The following DPP6 variants were observed in gnomAD, a reference collection of about 807,000 sequenced individuals.
DPP6 encodes dipeptidyl peptidase like 6.
DPP6 carries 69 observed loss-of-function variants against 122.6 expected under a neutral mutation model. The observed-to-expected ratio is 0.56, with a 90% CI of 0.46 to 0.69. DPP6 has a LOEUF of 0.69. Among genes scored for constraint, DPP6 ranks in the 30% least tolerant of loss-of-function variants. The pLI is 0.00. For missense variants in DPP6, 928 were observed against 1,116.9 expected, an observed-to-expected ratio of 0.83 and a Z score of 2.41; for synonymous variants, 418 against 433.1, an observed-to-expected ratio of 0.97 and a Z score of 0.43.
the DPP6 span, among the ~76,000 whole-genome samples, chr7:153,763,651 C>A: frequency 3.9e-5 from 6 of 152,102 alleles, no homozygotes; most frequent in Admixed American, 2.6e-4. Flanking sequence ...GAATAGAAAT[C>A]TTCTGGGTTT....
intron 1 of DPP6, among the ~76,000 whole-genome samples, chr7:154,064,883 A>G (rs1246852425): frequency 6.6e-6 from 1 of 152,152 alleles, no homozygotes; most frequent in African/African-American, 2.4e-5. Flanking sequence ...CGTTGCACAG[A>G]CAGGAACAGG....
intron 1 of DPP6, among the ~76,000 whole-genome samples, chr7:154,314,111 C>CG (rs1202551416): frequency 1.3e-5 from 2 of 152,074 alleles, no homozygotes; most frequent in South Asian, 4.1e-4. Context: ...AGCTAACTTA[C>CG]GGGGGAGTTG....
At chr7:153,994,024 T>C (rs2129043372) in intron 1 of DPP6, among the ~76,000 whole-genome samples, 1 of 152,326 alleles carries the variant, frequency 6.6e-6, no homozygotes, top group South Asian at 2.1e-4. Flanking sequence ...ATTATAGAAT[T>C]ACACTATCCA....
chr7:154,293,985 A>G (rs1183546909), intron 1 of DPP6, among the ~76,000 whole-genome samples: 2 of 152,192 alleles, frequency 1.3e-5, no homozygotes, highest in Non-Finnish European at 2.9e-5. Context: ...AGAGCCAGTT[A>G]TGGAGTCCCT....
At chr7:153,844,425 A>G in the DPP6 span, among the ~76,000 whole-genome samples, 5 of 152,230 alleles carry the variant, frequency 3.3e-5, no homozygotes, top group African/African-American at 1.2e-4. Context: ...GATCCTCCCA[A>G]AGATTTTACC....
At chr7:153,903,042 T>C (rs1187884146) in intron 1 of DPP6, among the ~76,000 whole-genome samples, 1 of 152,210 alleles carries the variant, frequency 6.6e-6, no homozygotes, top group Non-Finnish European at 1.5e-5. Flanking sequence ...AACTGGAGCC[T>C]GTCCCAGGCT....
intron 5 of DPP6, among the ~76,000 whole-genome samples, chr7:154,579,569 T>C (rs1423797361): frequency 2.0e-5 from 3 of 152,164 alleles, no homozygotes; most frequent in African/African-American, 7.2e-5. Flanking sequence ...GAACTAATTG[T>C]TTTTCTTAGA....
intron 3 of DPP6, among the ~76,000 whole-genome samples, chr7:154,513,977 T>C (rs1461970424): frequency 6.6e-6 from 1 of 152,182 alleles, no homozygotes; most frequent in Non-Finnish European, 1.5e-5. Context: ...CTGAATGAAA[T>C]TAAGAAGGGT....
chr7:154,681,312 C>T (rs1488323975), intron 7 of DPP6, among the ~76,000 whole-genome samples: 1 of 152,160 alleles, frequency 6.6e-6, no homozygotes, highest in Non-Finnish European at 1.5e-5. Context: ...AGGGTGCCCC[C>T]ACATCAGCCT....
At chr7:154,037,312 A>C (rs1222022848) in intron 1 of DPP6, among the ~76,000 whole-genome samples, 1 of 152,058 alleles carries the variant, frequency 6.6e-6, no homozygotes, top group Non-Finnish European at 1.5e-5. Flanking sequence ...GTGTTCACTG[A>C]AACACAGCTG....
At chr7:153,835,240 C>T in the DPP6 span, among the ~76,000 whole-genome samples, 9 of 152,250 alleles carry the variant, frequency 5.9e-5, 1 homozygote, top group Admixed American at 3.9e-4. Flanking sequence ...TTAATGCTGA[C>T]GTGGCTTTTA....
At chr7:154,502,598 G>T (rs1825346668) in intron 3 of DPP6, among the ~76,000 whole-genome samples, 1 of 152,120 alleles carries the variant, frequency 6.6e-6, no homozygotes, top group South Asian at 2.1e-4. Context: ...TGCTGTGACT[G>T]TGAGGCCTCC....
intron 1 of DPP6, among the ~76,000 whole-genome samples, chr7:153,963,031 C>A (rs942650242): frequency 2.0e-5 from 3 of 152,170 alleles, no homozygotes; most frequent in African/African-American, 7.2e-5. Flanking sequence ...CATTTGTATT[C>A]TCTAAAGGGT....
intron 1 of DPP6, among the ~76,000 whole-genome samples, chr7:154,206,669 A>G (rs1363616672): frequency 6.6e-6 from 1 of 152,222 alleles, no homozygotes; most frequent in Admixed American, 6.5e-5. Context: ...TCTCATCAAG[A>G]TATCAGAAAT....
intron 16 of DPP6, among the ~76,000 whole-genome samples, chr7:154,851,266 A>G (rs935406062): frequency 3.3e-5 from 5 of 152,184 alleles, no homozygotes; most frequent in Non-Finnish European, 7.4e-5. Flanking sequence ...TCTGTAAAAT[A>G]TGGTTAGAAA....
intron 1 of DPP6, among the ~76,000 whole-genome samples, chr7:154,046,374 G>A (rs1265955398): frequency 6.6e-6 from 1 of 152,194 alleles, no homozygotes; most frequent in Non-Finnish European, 1.5e-5. Flanking sequence ...GTAGGTGTCA[G>A]GGGACAGGTT....
intron 1 of DPP6, among the ~76,000 whole-genome samples, chr7:154,329,442 C>T (rs984003050): frequency 6.6e-6 from 1 of 152,144 alleles, no homozygotes; most frequent in Non-Finnish European, 1.5e-5. Flanking sequence ...TTTTGATTGG[C>T]TTATTTGTTA....
intron 16 of DPP6, among the ~76,000 whole-genome samples, chr7:154,812,343 CTT>C (rs779358705): frequency 1.3e-5 from 2 of 152,162 alleles, no homozygotes; most frequent in Non-Finnish European, 2.9e-5. Flanking sequence ...AGTATTATAA[CTT>C]ATATTCAGCA....
At chr7:154,227,832 G>T (rs1376547018) in intron 1 of DPP6, among the ~76,000 whole-genome samples, 1 of 152,174 alleles carries the variant, frequency 6.6e-6, no homozygotes, top group African/African-American at 2.4e-5. Context: ...TATTTGAATG[G>T]ATCATCAGGC....
Sources: allele counts gnomAD v4.1 joint callset (sites outside exome capture counted in the v4.1 genomes callset), GRCh38; gene constraint gnomAD v4.1.1; transcripts MANE v1.5; gene names NCBI Gene and HGNC (gene_info 2026-07-23, HGNC 2026-07-21).